RAB3GAP1: variants seen among roughly 807,000 people sequenced by gnomAD.
The protein encoded by RAB3GAP1 is rab3 GTPase-activating protein catalytic subunit.
RAB3GAP1 carries 86 observed loss-of-function variants against 130.7 expected under a neutral mutation model. That is an observed-to-expected ratio of 0.66 (90% CI 0.55 to 0.79). The LOEUF is 0.79. Ranked by LOEUF, RAB3GAP1 falls within the 30% of genes least tolerant of loss-of-function variation. RAB3GAP1 has a pLI of 0.00. For missense variants in RAB3GAP1, 1,029 were observed against 1,169.4 expected (o/e 0.88, Z 1.75); for synonymous variants, 367 against 401.7 (o/e 0.91, Z 1.03).
At chr2:135,115,583 A>G (rs866338513) in intron 7 of RAB3GAP1, among the ~76,000 whole-genome samples, 1 of 152,238 alleles carries the variant, frequency 6.6e-6, no homozygotes, top group South Asian at 2.1e-4. Context: ...TACTCATGCT[A>G]AAGCAACAAC....
At chr2:135,090,882 G>T in intron 3 of RAB3GAP1, 116 bp from the exon 4 acceptor site, 1 of 817,222 alleles carries the variant, frequency 1.2e-6, no homozygotes, top group Non-Finnish European at 1.9e-6. Context: ...GTTTTTCTTT[G>T]ATTGTATGGA....
Position 135,168,731 on chromosome 2 carries a change from G to A in RAB3GAP1, c.2896G>A (p.Glu966Lys). The change falls in exon 24 of 24, where the codon GAG becomes AAG. Residue 966 changes from glutamate (E) to lysine (K), a missense_variant. By Grantham distance (56) the Glu-to-Lys change is moderately conservative. Transcript: ENST00000264158. ...GCGGATGTACAGTGTTCTCACCAAA[G>A]AGGACTTTAGACTTGCAGGTGCCTT... ...PQRMYSVLTKEDFRLAGAFSS... is the reference protein window; with the variant it reads ...PQRMYSVLTKKDFRLAGAFSS... 6.2e-7 allele frequency: 1 copy of A among 1,614,202 alleles called. No individual in the cohort carries two copies. Among genetic ancestry groups the A allele is most frequent in the South Asian group, 1.1e-5 (1 of 91,084 alleles).
At chr2:135,130,457 T>C in intron 12 of RAB3GAP1, 95 bp from the exon 13 acceptor site, 1 of 1,043,524 alleles carries the variant, frequency 9.6e-7, no homozygotes, top group Non-Finnish European at 1.4e-6. Context: ...GTAAAAAGAA[T>C]GAGTAAAATA....
chr2:135,130,038 G>A lies in RAB3GAP1; in HGVS notation c.1017G>A (p.Glu339=), dbSNP rs1486046295. ...TEFFKICRRK[E]STDEILGRSA... ...TTTTTAAAATTTGCCGTCGAAAGGA[G>A]TCAACTGATGAGATTCTTGGACGAT... The change falls in exon 12 of 24, where the codon GAG becomes GAA. Residue 339 remains glutamate, a synonymous_variant. Transcript: ENST00000264158. 2 of 1,612,852 alleles carry A rather than the reference G, an allele frequency of 1.2e-6. No individual in the cohort carries two copies. The highest frequency in any genetic ancestry group is 2.7e-5 in the African/African-American group (2 of 74,770).
chr2:135,063,544 C>T (rs1237810077), intron 3 of RAB3GAP1, among the ~76,000 whole-genome samples: 2 of 152,230 alleles, frequency 1.3e-5, no homozygotes, highest in East Asian at 3.9e-4. Context: ...TCCTAGGTAC[C>T]TGATATAAAT....
At chr2:135,113,099 T>G in intron 5 of RAB3GAP1, 52 bp from the exon 6 acceptor site, 1 of 1,612,424 alleles carries the variant, frequency 6.2e-7, no homozygotes, top group South Asian at 1.1e-5. Flanking sequence ...AAGTAATGGA[T>G]TTTTGTGTTC....
chr2:135,113,299 A>C, intron 6 of RAB3GAP1, 29 bp downstream of exon 6: 1 of 1,612,330 alleles, frequency 6.2e-7, no homozygotes, highest in Non-Finnish European at 8.5e-7. Context: ...AAACCTAGAC[A>C]AAAAAACTGT....
chr2:135,132,444 A>G (rs1257530708), intron 13 of RAB3GAP1, among the ~76,000 whole-genome samples: 1 of 152,202 alleles, frequency 6.6e-6, no homozygotes, highest in Non-Finnish European at 1.5e-5. Flanking sequence ...GTGGGTCTTG[A>G]ATATCATCTC....
chr2:135,106,616 G>A (rs1239805960), intron 5 of RAB3GAP1, among the ~76,000 whole-genome samples: 6 of 151,846 alleles, frequency 4.0e-5, no homozygotes, highest in Non-Finnish European at 7.4e-5. Flanking sequence ...CAAACACTGC[G>A]GAAGGCCGCA....
At chr2:135,153,596 C>A in intron 18 of RAB3GAP1, 53 bp from the exon 19 acceptor site, 1 of 1,526,266 alleles carries the variant, frequency 6.6e-7, no homozygotes, top group African/African-American at 1.4e-5. Context: ...ACAGGCTTAT[C>A]AGTAACTGTT....
intron 11 of RAB3GAP1, 103 bp from the exon 12 acceptor site, chr2:135,129,892 A>G (rs1558790534): frequency 1.5e-5 from 12 of 780,752 alleles, no homozygotes; most frequent in Admixed American, 7.4e-5. Context: ...ACTTTCTACC[A>G]TATCTTAGTT....
In RAB3GAP1 at chr2:135,052,411, C is replaced by T; in HGVS notation, c.19-19C>T. On this transcript the variant is annotated intron_variant, in intron 1 of 23. Transcript: ENST00000264158. ...GCCTTGGGGCTTAATTTCTTTTTCT[C>T]TCCTTCCCCTTCCCGCAGCCCGAAT... is the stretch of plus-strand genomic sequence containing the variant. 1.9e-6 allele frequency: 3 copies of T among 1,614,156 alleles called. No homozygotes were observed. The highest frequency in any genetic ancestry group is 1.7e-5 in the Admixed American group (1 of 60,020).
chr2:135,172,236 C>A (rs1573628639), downstream of RAB3GAP1, among the ~76,000 whole-genome samples: 1 of 151,562 alleles, frequency 6.6e-6, no homozygotes, highest in Non-Finnish European at 1.5e-5. Flanking sequence ...TCGAGACCAG[C>A]CTGGCCAACA....
chr2:135,052,992 A>AT (rs1688921598), intron 2 of RAB3GAP1, among the ~76,000 whole-genome samples: 1 of 151,938 alleles, frequency 6.6e-6, no homozygotes, highest in South Asian at 2.1e-4. Context: ...TTAATTTTTT[A>AT]TTTTTATTTA....
chr2:135,135,353 T>A (rs759831801), intron 16 of RAB3GAP1, 34 bp downstream of exon 16: 2 of 1,553,930 alleles, frequency 1.3e-6, no homozygotes, highest in Non-Finnish European at 1.8e-6. Flanking sequence ...ATAAATGTGG[T>A]CTTGATTTAA....
chr2:135,126,659 A>G lies in RAB3GAP1; in HGVS notation c.973+3A>G. 1.2e-6 allele frequency: 2 copies of G among 1,604,518 alleles called. No homozygotes were observed. The highest frequency in any genetic ancestry group is 1.7e-6 in the Non-Finnish European group (2 of 1,171,314). ...TGAGAATCCTCAGTGTTTGCTAGGTAAGGTATATTATGCTCCTTTCCTGAA... is the reference window on the plus strand; with the variant it reads ...TGAGAATCCTCAGTGTTTGCTAGGTGAGGTATATTATGCTCCTTTCCTGAA... On this transcript the variant is annotated splice_donor_region_variant and intron_variant, in intron 11 of 23. Transcript: ENST00000264158.
chr2:135,068,493 C>G (rs1689384393), intron 3 of RAB3GAP1, among the ~76,000 whole-genome samples: 1 of 149,196 alleles, frequency 6.7e-6, no homozygotes, highest in South Asian at 2.1e-4. Context: ...TGGCTCACGC[C>G]TGTAATCCCA....
chr2:135,160,009 G>A (rs1189813620), intron 19 of RAB3GAP1, among the ~76,000 whole-genome samples: 3 of 152,200 alleles, frequency 2.0e-5, no homozygotes, highest in African/African-American at 7.2e-5. Context: ...ATCAGGAGTG[G>A]CTGCTTTGGG....
chr2:135,131,168 T>G (rs1036975175), intron 13 of RAB3GAP1, among the ~76,000 whole-genome samples: 60 of 152,330 alleles, frequency 3.9e-4, no homozygotes, highest in African/African-American at 1.4e-3. Flanking sequence ...AAGCACTGGC[T>G]TTTATCTTGC....
Sources: allele counts gnomAD v4.1 joint callset (sites outside exome capture counted in the v4.1 genomes callset), GRCh38; gene constraint gnomAD v4.1.1; transcripts MANE v1.5; gene names NCBI Gene and HGNC (gene_info 2026-07-23, HGNC 2026-07-21).